GRAMD1C: variants seen among roughly 807,000 people sequenced by gnomAD.
GRAMD1C encodes the protein GRAM domain containing 1C, also known as protein Aster-C.
Under a neutral mutation model 97.8 loss-of-function variants are expected in GRAMD1C, and 89 were observed. That is an observed-to-expected ratio of 0.91 (90% CI 0.77 to 1.09). GRAMD1C has a LOEUF of 1.09. Among genes scored for constraint, GRAMD1C ranks in the 50% least tolerant of loss-of-function variants. The pLI, the probability that GRAMD1C is intolerant of heterozygous loss-of-function variation, is 0.00. For synonymous variants in GRAMD1C, 256 were observed against 267.0 expected, an observed-to-expected ratio of 0.96 and a Z score of 0.40; for missense variants, 740 against 766.4, an observed-to-expected ratio of 0.97 and a Z score of 0.41.
chr3:113,878,023 G>A (rs1323389491), intron 5 of GRAMD1C, among the ~76,000 whole-genome samples: 4 of 152,012 alleles, frequency 2.6e-5, no homozygotes, highest in African/African-American at 4.8e-5. Context: ...CAGGCGATCC[G>A]CTCACCTTGG....
intron 6 of GRAMD1C, chr3:113,886,022 G>C: frequency 1.4e-6 from 2 of 1,422,210 alleles, no homozygotes; most frequent in South Asian, 1.1e-5. Flanking sequence ...ACCAACATCG[G>C]CTCTGGTGAC....
At chr3:113,887,667 C>T (rs1211340192) in intron 6 of GRAMD1C, among the ~76,000 whole-genome samples, 1 of 143,732 alleles carries the variant, frequency 7.0e-6, no homozygotes, top group Non-Finnish European at 1.5e-5. Context: ...GAGATTGCTC[C>T]ACTGCACTCC....
At chr3:113,847,500 A>G (rs1191149051) in intron 2 of GRAMD1C, among the ~76,000 whole-genome samples, 4 of 152,246 alleles carry the variant, frequency 2.6e-5, no homozygotes, top group African/African-American at 4.8e-5. Flanking sequence ...ATAGTACTGT[A>G]GTTGGTAGAA....
Position 113,938,077 on chromosome 3 carries a change from G to T in GRAMD1C, c.1634-9G>T. On this transcript the variant is annotated splice_polypyrimidine_tract_variant and intron_variant, in intron 14 of 17. Coordinates refer to ENST00000358160, the MANE Select transcript of GRAMD1C (RefSeq NM_017577.5). Reference sequence around the variant, plus strand: ...CATTCTAATGCAGCCTTTTTCTTGTGATCTACAGGAAAGAAAAAGGAAATG... The same window carrying T: ...CATTCTAATGCAGCCTTTTTCTTGTTATCTACAGGAAAGAAAAAGGAAATG... 1 of 1,408,400 alleles carries T rather than the reference G, an allele frequency of 7.1e-7. No homozygotes were observed. The highest frequency in any genetic ancestry group is 9.8e-7 in the Non-Finnish European group (1 of 1,018,174). 87.2% of individuals were successfully genotyped at this position (1,408,400 alleles called of 1,614,324 possible).
chr3:113,908,430 T>C (rs548202737), intron 8 of GRAMD1C, among the ~76,000 whole-genome samples: 1 of 152,298 alleles, frequency 6.6e-6, no homozygotes, highest in South Asian at 2.1e-4. Context: ...CAATTGTGTT[T>C]TTATGAGTTT....
At chr3:113,875,009 G>C (rs979169600) in intron 3 of GRAMD1C, among the ~76,000 whole-genome samples, 2 of 152,100 alleles carry the variant, frequency 1.3e-5, no homozygotes, top group Non-Finnish European at 2.9e-5. Context: ...AGCTTCTCCA[G>C]CTTCTCCAGC....
In GRAMD1C at chr3:113,904,275, T is replaced by C. The variant is rs1936275659; in HGVS notation, c.789+3T>C. 3.8e-6 allele frequency: 6 copies of C among 1,579,330 alleles called. No homozygotes were observed. Among genetic ancestry groups the C allele is most frequent in the Non-Finnish European group, 5.2e-6 (6 of 1,148,506 alleles). On this transcript the variant is annotated splice_donor_region_variant and intron_variant, in intron 8 of 17. Coordinates refer to ENST00000358160, the MANE Select transcript of GRAMD1C (RefSeq NM_017577.5). ...TCGATGGAAATTCATCAAAAGGAGT[T>C]AGTATATGATATCCCTTTTAAAATA...
At chr3:113,833,429 G>A (rs565239117) in intron 1 of GRAMD1C, among the ~76,000 whole-genome samples, 2 of 151,982 alleles carry the variant, frequency 1.3e-5, no homozygotes, top group Admixed American at 6.6e-5. Context: ...GAGCCACCAT[G>A]CCCGGCCCAA....
intron 2 of GRAMD1C, among the ~76,000 whole-genome samples, chr3:113,861,802 G>A (rs1002077894): frequency 6.6e-6 from 1 of 152,068 alleles, no homozygotes; most frequent in African/African-American, 2.4e-5. Flanking sequence ...AATGGTATTG[G>A]GGAACCTGCC....
At position 113,889,351 on chromosome 3, in the gene GRAMD1C, C is replaced by T. The variant is rs954092492; in HGVS notation, c.540+6519C>T. On this transcript the variant is annotated intron_variant, in intron 6 of 17. Coordinates refer to ENST00000358160, the MANE Select transcript of GRAMD1C (RefSeq NM_017577.5). ...AGAACACATCCTGTAGGATTCTGTT[C>T]TTATGAAATGTTTAGAATAGGCAAG... Among the ~76,000 whole-genome samples, 5 of 152,266 alleles carry T rather than the reference C, an allele frequency of 3.3e-5. No homozygotes were observed. In the South Asian group the frequency reaches 1.0e-3, roughly 32 times the overall value.
At chr3:113,867,163 A>G (rs2107365070) in intron 2 of GRAMD1C, among the ~76,000 whole-genome samples, 1 of 152,288 alleles carries the variant, frequency 6.6e-6, no homozygotes, top group African/African-American at 2.4e-5. Context: ...TAAGAGAGAA[A>G]TGAGAAAATA....
chr3:113,832,694 A>G (rs1023465069), intron 1 of GRAMD1C, among the ~76,000 whole-genome samples: 1 of 152,172 alleles, frequency 6.6e-6, no homozygotes, highest in African/African-American at 2.4e-5. Context: ...CTAATTTTGT[A>G]AAGTTTGTAT....
chr3:113,931,217 A>G (rs1221312488), intron 11 of GRAMD1C, among the ~76,000 whole-genome samples: 1 of 152,182 alleles, frequency 6.6e-6, no homozygotes. Flanking sequence ...GAAGTCATCT[A>G]GCTGGGCAGA....
At chr3:113,837,043 C>G (rs542537740), upstream of GRAMD1C, among the ~76,000 whole-genome samples, 58 of 152,192 alleles carry the variant, frequency 3.8e-4, no homozygotes, top group Non-Finnish European at 7.6e-4. Context: ...TTCATATTCA[C>G]TATTCCTCAA....
At position 113,887,090 on chromosome 3, in the gene GRAMD1C, T is replaced by TTG. The variant is rs746162239; in HGVS notation, c.540+4259_540+4260insGT. On this transcript the variant is annotated intron_variant, in intron 6 of 17. Coordinates refer to ENST00000358160, the MANE Select transcript of GRAMD1C (RefSeq NM_017577.5). ...CCACTGCGCCTGGCCTTTTTGTTTT[T>TTG]TTTTTGTTTTTTTTTTTTTTTGAGA... Among the ~76,000 whole-genome samples the TTG allele has an allele frequency of 4.4e-4, 49 of 110,400 alleles. 1 individual carries two copies. Among genetic ancestry groups the TTG allele is most frequent in the East Asian group, 3.0e-4 (1 of 3,332 alleles). The allele number at this position is 110,400 out of a possible 152,430, so 72.4% of individuals were successfully genotyped here.
intron 7 of GRAMD1C, among the ~76,000 whole-genome samples, chr3:113,902,131 C>T (rs140039022): frequency 2.0e-5 from 3 of 152,128 alleles, no homozygotes; most frequent in African/African-American, 7.2e-5. Context: ...ATCTTAAAAG[C>T]TGTTATTTAG....
At chr3:113,838,610 C>A (rs1334615365), upstream of GRAMD1C, 4 of 339,676 alleles carry the variant, frequency 1.2e-5, no homozygotes, top group East Asian at 1.8e-4. Context: ...AGCAATTCAC[C>A]TTTTCGCACA....
chr3:113,858,162 T>C (rs1934224268), intron 2 of GRAMD1C, among the ~76,000 whole-genome samples: 1 of 152,144 alleles, frequency 6.6e-6, no homozygotes, highest in African/African-American at 2.4e-5. Flanking sequence ...TTAATTTCCT[T>C]AATTTGTAAT....
rs1935463849 is a variant in GRAMD1C at position 113,886,067 on chromosome 3, G to C, written c.540+3235G>C. On this transcript the variant is annotated intron_variant, in intron 6 of 17. Transcript: ENST00000358160. ...CCCTCCACTTGGGTTGGGGTGGGGGGGCGGGGGGGAAAGGGATGGCGAGCC... is the reference window on the plus strand; with the variant it reads ...CCCTCCACTTGGGTTGGGGTGGGGGCGCGGGGGGGAAAGGGATGGCGAGCC... 63 of 1,014,694 alleles carry C rather than the reference G, an allele frequency of 6.2e-5. 1 individual carries two copies. Among genetic ancestry groups the C allele is most frequent in the Non-Finnish European group, 8.4e-5 (62 of 738,394 alleles). The allele number at this position is 1,014,694 out of a possible 1,614,324, so 62.9% of individuals were successfully genotyped here.
Sources: allele counts gnomAD v4.1 joint callset (sites outside exome capture counted in the v4.1 genomes callset), GRCh38; gene constraint gnomAD v4.1.1; transcripts MANE v1.5; gene names NCBI Gene and HGNC (gene_info 2026-07-23, HGNC 2026-07-21).